SHTN1: variants seen among roughly 807,000 people sequenced by gnomAD.
SHTN1 encodes the protein shootin 1.
A neutral mutation model predicts 83.1 loss-of-function variants in SHTN1; 42 were observed. The ratio of observed to expected loss-of-function variants is 0.51; its 90% CI spans 0.39 to 0.65. The LOEUF is 0.65. Ranked by LOEUF, SHTN1 falls within the 30% of genes least tolerant of loss-of-function variation. The pLI, the probability that SHTN1 is intolerant of heterozygous loss-of-function variation, is 0.00. For synonymous variants in SHTN1, 224 were observed against 247.7 expected, an observed-to-expected ratio of 0.90 and a Z score of 0.90; for missense variants, 622 against 737.8, an observed-to-expected ratio of 0.84 and a Z score of 1.82.
At chr10:117,005,409 G>A, upstream of SHTN1, 1 of 1,158,910 alleles carries the variant, frequency 8.6e-7, no homozygotes, top group Non-Finnish European at 1.1e-6. Flanking sequence ...AGGGGGGGCG[G>A]CCCTGCGTGG....
intron 1 of SHTN1, among the ~76,000 whole-genome samples, chr10:117,108,566 G>T: frequency 8.8e-6 from 1 of 114,238 alleles, no homozygotes. Flanking sequence ...GTGGGGTGGG[G>T]GGAGGGGGGA....
intron 2 of SHTN1, among the ~76,000 whole-genome samples, chr10:117,033,565 G>A (rs554619041): frequency 6.6e-6 from 1 of 152,170 alleles, no homozygotes; most frequent in East Asian, 1.9e-4. Context: ...GAAAACCTGG[G>A]ACCTGTTGGC....
chr10:116,944,145 T>C (rs919355314), intron 8 of SHTN1, among the ~76,000 whole-genome samples: 13 of 152,184 alleles, frequency 8.5e-5, no homozygotes, highest in Admixed American at 2.6e-4. Flanking sequence ...GATACCATAA[T>C]ACTGTTATCT....
At chr10:117,086,082 A>G (rs1268846677) in intron 1 of SHTN1, among the ~76,000 whole-genome samples, 2 of 151,922 alleles carry the variant, frequency 1.3e-5, no homozygotes, top group African/African-American at 4.8e-5. Flanking sequence ...CACCACGCCC[A>G]GCTAATTTTT....
rs543387229 is a variant in SHTN1 at position 117,016,960 on chromosome 10, G to A, written c.-123+31485C>T. Among the ~76,000 whole-genome samples, 3 of 152,180 alleles carry A rather than the reference G, an allele frequency of 2.0e-5. No homozygotes were observed. The South Asian group carries it at 6.3e-4, about 32-fold the overall frequency. On this transcript the variant is annotated intron_variant, in intron 2 of 17. Coordinates refer to the SHTN1 transcript ENST00000392901. The stretch of plus-strand genomic sequence containing the variant: ...AGAAACAGTGATAAACCACAAGCAT[G>A]AGCATAGCCAAAACCCAGATCTTGG...
At chr10:117,106,343 T>A (rs932364281) in intron 1 of SHTN1, among the ~76,000 whole-genome samples, 5 of 151,616 alleles carry the variant, frequency 3.3e-5, no homozygotes, top group Non-Finnish European at 5.9e-5. Context: ...TAGTCCCAGC[T>A]ACTCGTGAGG....
chr10:117,017,907 A>G (rs1225474579), intron 2 of SHTN1, among the ~76,000 whole-genome samples: 1 of 152,224 alleles, frequency 6.6e-6, no homozygotes, highest in Non-Finnish European at 1.5e-5. Flanking sequence ...CCTAAAACCC[A>G]TAACCCCAGT....
intron 1 of SHTN1, among the ~76,000 whole-genome samples, chr10:117,087,531 C>A (rs953651066): frequency 6.6e-6 from 1 of 152,058 alleles, no homozygotes; most frequent in Non-Finnish European, 1.5e-5. Flanking sequence ...TAGTTATACA[C>A]ATACAAAAAG....
At chr10:117,059,052 G>A (rs969490583) in intron 1 of SHTN1, among the ~76,000 whole-genome samples, 1 of 152,148 alleles carries the variant, frequency 6.6e-6, no homozygotes, top group Non-Finnish European at 1.5e-5. Context: ...TATAGAAATG[G>A]ATGATGGTGA....
chr10:117,113,203 T>C (rs1391902099), intron 1 of SHTN1, among the ~76,000 whole-genome samples: 1 of 152,224 alleles, frequency 6.6e-6, no homozygotes, highest in African/African-American at 2.4e-5. Flanking sequence ...TCATTCCTAA[T>C]TCTCTTTGAG....
At chr10:116,977,089 G>A (rs1001909105) in intron 2 of SHTN1, among the ~76,000 whole-genome samples, 1 of 152,168 alleles carries the variant, frequency 6.6e-6, no homozygotes. Flanking sequence ...AAACCTCACT[G>A]AGAAAGTGTC....
At chr10:117,053,494 T>C (rs550698655) in intron 1 of SHTN1, among the ~76,000 whole-genome samples, 1 of 152,230 alleles carries the variant, frequency 6.6e-6, no homozygotes, top group South Asian at 2.1e-4. Flanking sequence ...ACAAATGGCT[T>C]ACAAACATAT....
At chr10:117,073,946 C>T (rs1853120285) in intron 1 of SHTN1, among the ~76,000 whole-genome samples, 1 of 152,122 alleles carries the variant, frequency 6.6e-6, no homozygotes, top group African/African-American at 2.4e-5. Context: ...GCCTATATCC[C>T]AGAATGCCTG....
At chr10:117,093,437 C>G (rs561239251) in intron 1 of SHTN1, among the ~76,000 whole-genome samples, 1 of 152,070 alleles carries the variant, frequency 6.6e-6, no homozygotes, top group African/African-American at 2.4e-5. Context: ...TCCAGCTACT[C>G]GGGAGGCCGA....
intron 2 of SHTN1, among the ~76,000 whole-genome samples, chr10:117,037,410 T>C (rs117722356): frequency 0.017 from 2,513 of 152,170 alleles, 25 homozygotes; most frequent in Middle Eastern, 0.041. Context: ...ATGAAAGAAA[T>C]CAAAGAACTT....
Position 116,950,358 on chromosome 10 carries a change from G to A in SHTN1, c.535-1361C>T, listed in dbSNP as rs532512065. ...ATTTTTAAAAATTTTTTTGAGAGAC[G>A]AGGTCTTGCTAGGAGGTCTTGCTGA... is the stretch of plus-strand genomic sequence containing the variant. On this transcript the variant is annotated intron_variant, in intron 6 of 16. Transcript: ENST00000355371. 7.6e-4 allele frequency among the ~76,000 whole-genome samples: 115 copies of A among 152,026 alleles called. 2 individuals carry two copies. In the South Asian group the frequency reaches 0.022, roughly 29 times the overall value.
intron 3 of SHTN1, among the ~76,000 whole-genome samples, chr10:116,961,763 G>A (rs1157124344): frequency 6.6e-6 from 1 of 152,204 alleles, no homozygotes; most frequent in East Asian, 1.9e-4. Flanking sequence ...GACACAATCT[G>A]ACACATTGGA....
intron 13 of SHTN1, among the ~76,000 whole-genome samples, chr10:116,913,683 T>C (rs1303251938): frequency 6.6e-6 from 1 of 152,250 alleles, no homozygotes; most frequent in East Asian, 1.9e-4. Context: ...TTAGTGGTGA[T>C]GTGAAAGTCA....
intron 1 of SHTN1, among the ~76,000 whole-genome samples, chr10:117,086,801 G>C (rs1161742804): frequency 6.6e-6 from 1 of 152,186 alleles, no homozygotes; most frequent in African/African-American, 2.4e-5. Flanking sequence ...TACGTGGACA[G>C]CAATGTTCAC....
Sources: allele counts gnomAD v4.1 joint callset (sites outside exome capture counted in the v4.1 genomes callset), GRCh38; gene constraint gnomAD v4.1.1; transcripts MANE v1.5; gene names NCBI Gene and HGNC (gene_info 2026-07-23, HGNC 2026-07-21).